RGS18: variants seen among roughly 807,000 people sequenced by gnomAD.
RGS18 encodes the protein regulator of G-protein signaling 18.
In RGS18, 22 loss-of-function variants were observed where a neutral mutation model predicts 27.6. The ratio of observed to expected loss-of-function variants is 0.80; its 90% CI spans 0.57 to 1.14. RGS18 has a LOEUF of 1.14. RGS18 is among the 50% of genes most tolerant of loss of function. The pLI, the probability that RGS18 is intolerant of heterozygous loss-of-function variation, is 0.00. For synonymous variants in RGS18, 89 were observed against 84.6 expected (o/e 1.05, Z -0.29); for missense variants, 299 against 269.6 (o/e 1.11, Z -0.76).
Position 192,183,042 on chromosome 1 carries a change from A to G in RGS18, c.451-1255A>G, listed in dbSNP as rs112768138. Among the ~76,000 whole-genome samples the G allele has an allele frequency of 3.0e-3, 450 of 151,756 alleles. 3 individuals are homozygous for G. The highest frequency in any genetic ancestry group is 0.01 in the African/African-American group (418 of 41,494). On this transcript the variant is annotated intron_variant, in intron 4 of 4. Coordinates refer to ENST00000367460, the MANE Select transcript of RGS18 (RefSeq NM_130782.3). ...GTGTGATACAATTGCTAAAATGGGT[A>G]TAAGACTAGCAAATATGACTTGACT...
At chr1:192,160,725 G>T (rs542881119) in intron 3 of RGS18, 2 of 346,400 alleles carry the variant, frequency 5.8e-6, no homozygotes, top group South Asian at 6.8e-5. Context: ...TGAAATCTTC[G>T]GTTTTATCAA....
Position 192,184,475 on chromosome 1 carries a change from C to T in RGS18, c.629C>T (p.Thr210Ile), listed in dbSNP as rs1372141656. The part of the protein sequence containing the change: ...DLMEGRPQRP[T>I]NLRRRSRSFT... ...ATGGAAGGAAGACCTCAGAGACCAACAAATCTTAGGAGACGATCACGCTCA... is the reference window on the plus strand; with the variant it reads ...ATGGAAGGAAGACCTCAGAGACCAATAAATCTTAGGAGACGATCACGCTCA... The change falls in exon 5 of 5, where the codon ACA (threonine) becomes ATA (isoleucine). Residue 210 changes from threonine (T) to isoleucine (I), a missense_variant. Coordinates refer to ENST00000367460, the MANE Select transcript of RGS18 (RefSeq NM_130782.3). 1 of 1,611,496 alleles carries T rather than the reference C, an allele frequency of 6.2e-7. No individual in the cohort carries two copies. Among genetic ancestry groups the T allele is most frequent in the East Asian group, 2.2e-5 (1 of 44,780 alleles).
At chr1:192,182,891 G>A (rs1175882753) in intron 4 of RGS18, among the ~76,000 whole-genome samples, 2 of 151,424 alleles carry the variant, frequency 1.3e-5, no homozygotes, top group Non-Finnish European at 3.0e-5. Flanking sequence ...TTGCTTTAGG[G>A]ATACTTTAAA....
intron 3 of RGS18, among the ~76,000 whole-genome samples, chr1:192,175,463 T>C (rs1656342900): frequency 6.6e-6 from 1 of 151,986 alleles, no homozygotes; most frequent in African/African-American, 2.4e-5. Flanking sequence ...CTGATCAGCT[T>C]GATCCTTTAA....
intron 4 of RGS18, among the ~76,000 whole-genome samples, chr1:192,184,047 A>G (rs1467777156): frequency 6.6e-6 from 1 of 151,606 alleles, no homozygotes; most frequent in African/African-American, 2.4e-5. Flanking sequence ...CAAGGACAGC[A>G]CTAAGGAGAT....
At chr1:192,180,303 C>T (rs937314114) in intron 3 of RGS18, among the ~76,000 whole-genome samples, 4 of 151,572 alleles carry the variant, frequency 2.6e-5, no homozygotes, top group African/African-American at 9.7e-5. Context: ...TATTTTAACA[C>T]ATTTAATTCT....
At chr1:192,183,053 AAAT>A (rs1282821241) in intron 4 of RGS18, among the ~76,000 whole-genome samples, 1 of 151,640 alleles carries the variant, frequency 6.6e-6, no homozygotes, top group African/African-American at 2.4e-5. Flanking sequence ...TAAGACTAGC[AAAT>A]ATGACTTGAC....
rs1656512039 is a variant in RGS18 at position 192,184,524 on chromosome 1, TG to T, written c.679del (p.Val227TyrfsTer13). 1 of 1,611,322 alleles carries T rather than the reference TG, an allele frequency of 6.2e-7. No homozygotes were observed. Among genetic ancestry groups the T allele is most frequent in the African/African-American group, 1.3e-5 (1 of 74,690 alleles). On this transcript the variant is annotated frameshift_variant, in exon 5 of 5. Coordinates refer to ENST00000367460, the MANE Select transcript of RGS18 (RefSeq NM_130782.3). LOFTEE classifies it high-confidence loss of function. ...CATTTACCTGCAATGAATTCCAAGATGTACAATCAGATGTTGCCATTTGGTT... is the reference window on the plus strand; with the variant it reads ...CATTTACCTGCAATGAATTCCAAGATTACAATCAGATGTTGCCATTTGGTT... Reference protein sequence around the residue: ...RSFTCNEFQDVQSDVAIWL With the variant: ...RSFTCNEFQDXQSDVAIWL
rs150989065 is a variant in RGS18, at chr1:192,170,337, C to T, written c.283+9898C>T. 1.8e-3 allele frequency among the ~76,000 whole-genome samples: 276 copies of T among 152,142 alleles called. 3 individuals carry two copies. Among genetic ancestry groups the T allele is most frequent in the African/African-American group, 6.2e-3 (257 of 41,518 alleles). On this transcript the variant is annotated intron_variant, in intron 3 of 4. Transcript: ENST00000367460. ...CTCATGAATGGCTTTGTACTGTCTT[C>T]GCAGTAATAAGCGAGTTATCATTCT...
At chr1:192,166,821 C>T (rs1656171133) in intron 3 of RGS18, among the ~76,000 whole-genome samples, 1 of 152,090 alleles carries the variant, frequency 6.6e-6, no homozygotes, top group Admixed American at 6.6e-5. Context: ...TAAACCTTAT[C>T]AAAAGTTTTG....
chr1:192,160,176 C>T (rs947862479), intron 2 of RGS18, among the ~76,000 whole-genome samples: 1 of 152,030 alleles, frequency 6.6e-6, no homozygotes, highest in Non-Finnish European at 1.5e-5. Flanking sequence ...TATTTCAACA[C>T]ATTATTCAAC....
At chr1:192,161,892 A>G (rs1305611405) in intron 3 of RGS18, among the ~76,000 whole-genome samples, 1 of 151,916 alleles carries the variant, frequency 6.6e-6, no homozygotes, top group African/African-American at 2.4e-5. Flanking sequence ...TAATTGTCCA[A>G]CTCTTTATAA....
At chr1:192,180,075 A>G (rs188567890) in intron 3 of RGS18, among the ~76,000 whole-genome samples, 3 of 151,806 alleles carry the variant, frequency 2.0e-5, no homozygotes, top group African/African-American at 7.2e-5. Context: ...GTTAAAAAAG[A>G]TAGTTGAAAG....
rs527515673 is a variant in RGS18 at position 192,164,535 on chromosome 1, C to T, written c.283+4096C>T. 5.3e-5 allele frequency among the ~76,000 whole-genome samples: 8 copies of T among 152,100 alleles called. No individual in the cohort carries two copies. In the East Asian group the frequency reaches 7.7e-4, roughly 15 times the overall value. ...AAAAAAAATGAGTAAATATAAACTT[C>T]AGTTCAAAATTATGCATCAGTGTTG... is the stretch of plus-strand genomic sequence containing the variant. On this transcript the variant is annotated intron_variant, in intron 3 of 4. Transcript: ENST00000367460.
intron 3 of RGS18, among the ~76,000 whole-genome samples, chr1:192,172,287 T>C (rs1434991015): frequency 6.6e-6 from 1 of 151,980 alleles, no homozygotes; most frequent in Admixed American, 6.6e-5. Flanking sequence ...TTTTCACTCT[T>C]GAAAGACTGG....
intron 3 of RGS18, among the ~76,000 whole-genome samples, chr1:192,176,782 T>G (rs1656366006): frequency 6.6e-6 from 1 of 151,672 alleles, no homozygotes; most frequent in South Asian, 2.1e-4. Flanking sequence ...CAAAAGTATT[T>G]AATAAAATAG....
chr1:192,180,865 G>A (rs1194435682), intron 3 of RGS18, among the ~76,000 whole-genome samples: 1 of 151,656 alleles, frequency 6.6e-6, no homozygotes, highest in Non-Finnish European at 1.5e-5. Context: ...TGGAAGCATA[G>A]AGCTTTTAGT....
chr1:192,175,164 G>A (rs1417681449), intron 3 of RGS18, among the ~76,000 whole-genome samples: 1 of 151,256 alleles, frequency 6.6e-6, no homozygotes, highest in Non-Finnish European at 1.5e-5. Context: ...TTTTGTCTTA[G>A]GTCTTTTTTA....
At chr1:192,163,335 A>G (rs1656105229) in intron 3 of RGS18, 1 of 152,184 alleles carries the variant, frequency 6.6e-6, no homozygotes, top group Non-Finnish European at 1.5e-5. Flanking sequence ...ATTGACAATA[A>G]CATATAGACA....
Sources: gnomAD v4.1 joint callset for allele counts (sites outside exome capture counted in the v4.1 genomes callset) on GRCh38, gnomAD v4.1.1 for gene constraint, MANE v1.5 for transcripts, NCBI Gene and HGNC (gene_info 2026-07-23, HGNC 2026-07-21) for gene names.